SLC9A5: variants seen among roughly 807,000 people sequenced by gnomAD.
SLC9A5 encodes solute carrier family 9 member A5, also known as sodium/hydrogen exchanger 5.
A neutral mutation model predicts 91.7 loss-of-function variants in SLC9A5; 52 were observed. That is an observed-to-expected ratio of 0.57 (90% CI 0.45 to 0.71). SLC9A5 has a LOEUF of 0.71. Among genes scored for constraint, SLC9A5 ranks in the 30% least tolerant of loss-of-function variants. SLC9A5 has a pLI of 0.00. For synonymous variants in SLC9A5, 419 were observed against 474.5 expected (o/e 0.88, Z 1.52); for missense variants, 871 against 1,158.9 (o/e 0.75, Z 3.61).
intron 15 of SLC9A5, among the ~76,000 whole-genome samples, chr16:67,269,941 A>G (rs1421790211): frequency 6.6e-6 from 1 of 151,888 alleles, no homozygotes; most frequent in Non-Finnish European, 1.5e-5. Flanking sequence ...ATGAGCTCAC[A>G]CTCCTGGGCT....
At position 67,257,077 on chromosome 16, in the gene SLC9A5, C is replaced by A. The variant is rs1344014477; in HGVS notation, c.1299C>A (p.Thr433=). Reference sequence around the variant, plus strand: ...CTGCCAAGGACTACTTTGTAGCCACCACTATTGTAGTGGTCTTCTTCACAG... The same window carrying A: ...CTGCCAAGGACTACTTTGTAGCCACAACTATTGTAGTGGTCTTCTTCACAG... ...KVPAKDYFVA[T]TIVVVFFTVI... is the part of the protein sequence containing the mutation. The change falls in exon 7 of 16, where the codon ACC becomes ACA. Residue 433 remains threonine, a synonymous_variant. Coordinates refer to ENST00000299798, the MANE Select transcript of SLC9A5 (RefSeq NM_004594.3). The surrounding 1 kb of genome is among the most constrained non-coding windows in gnomAD (Gnocchi z 5.1). 1 of 1,612,476 alleles carries A rather than the reference C, an allele frequency of 6.2e-7. No individual in the cohort carries two copies. The highest frequency in any genetic ancestry group is 8.5e-7 in the Non-Finnish European group (1 of 1,180,018).
chr16:67,257,337 G>A lies in SLC9A5; in HGVS notation c.1336-8G>A. 2 of 1,612,810 alleles carry A rather than the reference G, an allele frequency of 1.2e-6. No individual in the cohort carries two copies. The highest frequency in any genetic ancestry group is 1.7e-6 in the Non-Finnish European group (2 of 1,178,770). Reference sequence around the variant, plus strand: ...ATAGGGCAGGGCTCACCTCCTGCCTGTCCATAGGGCTTGACCATCAAGCCA... The same window carrying A: ...ATAGGGCAGGGCTCACCTCCTGCCTATCCATAGGGCTTGACCATCAAGCCA... On this transcript the variant is annotated splice_region_variant and splice_polypyrimidine_tract_variant and intron_variant, in intron 7 of 15. Transcript: ENST00000299798. This position sits in a 1 kb window ranked among gnomAD's most constrained non-coding sequence, Gnocchi z 5.1.
chr16:67,266,850 CTTTTTT>C, intron 15 of SLC9A5, among the ~76,000 whole-genome samples: 1 of 118,952 alleles, frequency 8.4e-6, no homozygotes, highest in South Asian at 2.7e-4. Flanking sequence ...CTATTCTTTT[CTTTTTT>C]TTTTTTTTTT....
At position 67,257,994 on chromosome 16, in the gene SLC9A5, C is replaced by G. The variant is rs1208782397; in HGVS notation, c.1497-324C>G. Among the ~76,000 whole-genome samples the G allele has an allele frequency of 2.6e-5, 4 of 152,256 alleles. No homozygotes were observed. Among genetic ancestry groups the G allele is most frequent in the African/African-American group, 9.6e-5 (4 of 41,472 alleles). On this transcript the variant is annotated intron_variant, in intron 9 of 15. Coordinates refer to ENST00000299798, the MANE Select transcript of SLC9A5 (RefSeq NM_004594.3). This position sits in a 1 kb window ranked among gnomAD's most constrained non-coding sequence, Gnocchi z 5.1. ...CAGCTTCGATTCATCCTTCACAACT[C>G]ACCATAGGCTTCAATTCCTTAGGGA...
Position 67,257,627 on chromosome 16 carries a change from TCAG to T in SLC9A5, c.1496+37_1496+39del, listed in dbSNP as rs1193326953. On this transcript the variant is annotated intron_variant, in intron 9 of 15. Transcript: ENST00000299798. The surrounding 1 kb of genome is among the most constrained non-coding windows in gnomAD (Gnocchi z 5.1). ...GTGAGGGAGCTGCCCCGAGGCTCCT[TCAG>T]CAGCAGCAGCCCCACCAGCCAGGGA... The T allele has an allele frequency of 3.7e-6, 6 of 1,611,582 alleles. No individual in the cohort carries two copies. Among genetic ancestry groups the T allele is most frequent in the South Asian group, 1.1e-5 (1 of 91,040 alleles).
At chr16:67,259,728 C>T (rs1008747094) in intron 11 of SLC9A5, 67 bp downstream of exon 11, 44 of 1,592,546 alleles carry the variant, frequency 2.8e-5, no homozygotes, top group Non-Finnish European at 3.6e-5. Flanking sequence ...TGAGTCCCTT[C>T]TGGGGGAGAT....
Position 67,256,826 on chromosome 16 carries a change from ACCT to A in SLC9A5, c.1133-83_1133-81del. ...GCTCACCTGTCCCAGCCCCTGTTAG[ACCT>A]CAGCCCAGATACTTGGTCCCATCCG... On this transcript the variant is annotated intron_variant, in intron 6 of 15. Transcript: ENST00000299798. The surrounding 1 kb of genome is among the most constrained non-coding windows in gnomAD (Gnocchi z 4.1). 1 of 1,441,234 alleles carries A rather than the reference ACCT, an allele frequency of 6.9e-7. No homozygotes were observed. The highest frequency in any genetic ancestry group is 9.7e-7 in the Non-Finnish European group (1 of 1,033,742). 89.3% of individuals were successfully genotyped at this position (1,441,234 alleles called of 1,614,324 possible).
At chr16:67,268,604 A>G (rs926509920) in intron 15 of SLC9A5, among the ~76,000 whole-genome samples, 2 of 135,042 alleles carry the variant, frequency 1.5e-5, no homozygotes, top group African/African-American at 5.4e-5. Flanking sequence ...TGTAACCACA[A>G]TGCCTTTCCC....
chr16:67,258,283 A>G lies in SLC9A5; in HGVS notation c.1497-35A>G, dbSNP rs1438480606. The G allele has an allele frequency of 6.2e-7, 1 of 1,610,902 alleles. No individual in the cohort carries two copies. Among genetic ancestry groups the G allele is most frequent in the South Asian group, 1.1e-5 (1 of 91,040 alleles). On this transcript the variant is annotated intron_variant, in intron 9 of 15. Coordinates refer to ENST00000299798, the MANE Select transcript of SLC9A5 (RefSeq NM_004594.3). This position sits in a 1 kb window ranked among gnomAD's most constrained non-coding sequence, Gnocchi z 4.5. ...AGGGCCACCTGGCCAGGCCTTGGGA[A>G]TGGGACTCAGGGCCGGGCCTGGCAT... is the stretch of plus-strand genomic sequence containing the variant.
Position 67,270,771 on chromosome 16 carries a change from T to C in SLC9A5, c.2252T>C (p.Ile751Thr). ...GAGGTGTGCCCAAGCCCACGAATCA[T>C]TCCCCCCTCCCCAACCTGTGCAGAA... ...SLEVCPSPRI[I>T]PPSPTCAEKE... The change falls in exon 16 of 16, where the codon ATT (isoleucine) becomes ACT (threonine). Residue 751 changes from isoleucine to threonine, a missense_variant. This residue lies in a region of SLC9A5 where 295 missense variants were observed against 326.0 expected (regional missense o/e 0.90). Coordinates refer to ENST00000299798, the MANE Select transcript of SLC9A5 (RefSeq NM_004594.3). The surrounding 1 kb of genome is among the most constrained non-coding windows in gnomAD (Gnocchi z 4.3). 1 of 1,612,634 alleles carries C rather than the reference T, an allele frequency of 6.2e-7. No individual in the cohort carries two copies. The highest frequency in any genetic ancestry group is 8.5e-7 in the Non-Finnish European group (1 of 1,179,034).
At position 67,265,028 on chromosome 16, in the gene SLC9A5, C is replaced by T; in HGVS notation, c.2014-12C>T. 3 of 1,614,094 alleles carry T rather than the reference C, an allele frequency of 1.9e-6. No homozygotes were observed. The highest frequency in any genetic ancestry group is 2.5e-6 in the Non-Finnish European group (3 of 1,179,994). ...GGGGCCAGAGGCTCAGGTTTTCTTT[C>T]TTGGTCCTCAGAAGGATGGTGTGGC... On this transcript the variant is annotated splice_polypyrimidine_tract_variant and intron_variant, in intron 13 of 15. Coordinates refer to ENST00000299798, the MANE Select transcript of SLC9A5 (RefSeq NM_004594.3).
rs2035269998 is a variant in SLC9A5 at position 67,255,263 on chromosome 16, T to C, written c.654+79T>C. 1 of 1,552,170 alleles carries C rather than the reference T, an allele frequency of 6.4e-7. No homozygotes were observed. Among genetic ancestry groups the C allele is most frequent in the African/African-American group, 1.4e-5 (1 of 73,876 alleles). On this transcript the variant is annotated intron_variant, in intron 3 of 15. Transcript: ENST00000299798. The surrounding 1 kb of genome is among the most constrained non-coding windows in gnomAD (Gnocchi z 4.9). ...CAACTAGGGGTCTGCGCAGACTCAG[T>C]CCCTTCCCTTGGGTCCCCTGGGGCA...
rs1345130310 is a variant in SLC9A5 at position 67,252,163 on chromosome 16, A to G, written c.188-379A>G. On this transcript the variant is annotated intron_variant, in intron 1 of 15. Coordinates refer to ENST00000299798, the MANE Select transcript of SLC9A5 (RefSeq NM_004594.3). This position sits in a 1 kb window ranked among gnomAD's most constrained non-coding sequence, Gnocchi z 4.0. Reference sequence around the variant, plus strand: ...CTCCTCCCTTGGTCCCAGTCTTAGAAGGTTGGCCAGGCGCGGTGGCTCACA... The same window carrying G: ...CTCCTCCCTTGGTCCCAGTCTTAGAGGGTTGGCCAGGCGCGGTGGCTCACA... Among the ~76,000 whole-genome samples the G allele has an allele frequency of 2.6e-5, 4 of 152,134 alleles. No individual in the cohort carries two copies. In the East Asian group the frequency reaches 7.8e-4, roughly 29 times the overall value.
At position 67,259,666 on chromosome 16, in the gene SLC9A5, G is replaced by C; in HGVS notation, c.1715+5G>C. ...AACTTCTGTCACCAACCTGCTGTGA[G>C]TCCTTGAGCCCCTTCCCCTTCCTCA... On this transcript the variant is annotated splice_donor_5th_base_variant and intron_variant, in intron 11 of 15. Coordinates refer to ENST00000299798, the MANE Select transcript of SLC9A5 (RefSeq NM_004594.3). The C allele has an allele frequency of 1.2e-6, 2 of 1,613,688 alleles. No homozygotes were observed. Among genetic ancestry groups the C allele is most frequent in the Non-Finnish European group, 1.7e-6 (2 of 1,179,632 alleles).
In SLC9A5 at chr16:67,252,558, G is replaced by T; in HGVS notation, c.204G>T (p.Arg68=). The T allele has an allele frequency of 6.2e-7, 1 of 1,612,760 alleles. No homozygotes were observed. ...GCATTGCAGTGTTTCACCTGTCTCGGAAAGTAACATCTCTGGTCCCTGAGA... is the reference window on the plus strand; with the variant it reads ...GCATTGCAGTGTTTCACCTGTCTCGTAAAGTAACATCTCTGGTCCCTGAGA... ...SLAKIVFHLS[R]KVTSLVPESC... Residue 68 remains arginine (R), a synonymous_variant, in exon 2 of 16, where the codon CGG becomes CGT. Transcript: ENST00000299798. This position sits in a 1 kb window ranked among gnomAD's most constrained non-coding sequence, Gnocchi z 4.0.
rs75549387 is a variant in SLC9A5, at chr16:67,257,108, G to A, written c.1330G>A (p.Val444Met). The A allele has an allele frequency of 4.2e-4, 670 of 1,608,520 alleles. No homozygotes were observed. The highest frequency in any genetic ancestry group is 5.2e-4 in the Non-Finnish European group (616 of 1,179,284). ...TIVVVFFTVI[V>M]QGLTIKPLVK... is the part of the protein sequence containing the mutation. ...TGTAGTGGTCTTCTTCACAGTCATC[G>A]TGCAGGTGGGAGTGCCCACAAGGCT... Residue 444 changes from valine to methionine, a missense_variant, in exon 7 of 16, where the codon GTG becomes ATG. Physicochemically the swap from Val to Met is conservative, Grantham distance 21. Around this residue, in one of 3 missense-constraint regions of SLC9A5, gnomAD observed 454 missense variants for 718.3 expected, o/e 0.63. Transcript: ENST00000299798. This position sits in a 1 kb window ranked among gnomAD's most constrained non-coding sequence, Gnocchi z 5.1.
chr16:67,265,005 G>A, intron 13 of SLC9A5, 35 bp from the exon 14 acceptor site: 1 of 1,612,106 alleles, frequency 6.2e-7, no homozygotes. Context: ...GGGAAGCCGG[G>A]GCCAGAGGCT....
rs2035373398 is a variant in SLC9A5, at chr16:67,257,759, A to G, written c.1496+158A>G. 6.6e-6 allele frequency among the ~76,000 whole-genome samples: 1 copy of G among 152,202 alleles called. No individual in the cohort carries two copies. The highest frequency in any genetic ancestry group is 1.5e-5 in the Non-Finnish European group (1 of 68,024). ...GTGGCATCCCAGTGCTCTCAGGTTA[A>G]GACAAGGCTCCCCAGTGTGGCCTGC... is the stretch of plus-strand genomic sequence containing the variant. On this transcript the variant is annotated intron_variant, in intron 9 of 15. Transcript: ENST00000299798. The surrounding 1 kb of genome is among the most constrained non-coding windows in gnomAD (Gnocchi z 5.1).
chr16:67,271,379 G>A lies in SLC9A5; in HGVS notation c.*169G>A. On this transcript the variant is annotated 3_prime_UTR_variant, in exon 16 of 16. Transcript: ENST00000299798. ...GGTCACCTAAGCTGGTCCTCACAGG[G>A]GCCTTTCTCACCACCTCCCTGCTCC... 1 of 629,698 alleles carries A rather than the reference G, an allele frequency of 1.6e-6. No individual in the cohort carries two copies. The highest frequency in any genetic ancestry group is 2.8e-6 in the Non-Finnish European group (1 of 359,240). 39.0% of individuals were successfully genotyped at this position (629,698 alleles called of 1,614,324 possible).
Sources: allele counts gnomAD v4.1 joint callset (sites outside exome capture counted in the v4.1 genomes callset), GRCh38; gene constraint gnomAD v4.1.1; regional missense constraint gnomAD v4.1.1; non-coding constraint Gnocchi (gnomAD v3.1); transcripts MANE v1.5; gene names NCBI Gene and HGNC (gene_info 2026-07-23, HGNC 2026-07-21).